The following CCDC91 variants were observed in gnomAD, a reference collection of about 807,000 sequenced individuals.
CCDC91 encodes the protein coiled-coil domain containing 91.
Under a neutral mutation model 63.2 loss-of-function variants are expected in CCDC91, and 48 were observed. That is an observed-to-expected ratio of 0.76 (90% CI 0.60 to 0.97). The LOEUF is 0.97. Among genes scored for constraint, CCDC91 ranks in the 50% least tolerant of loss-of-function variants. The pLI, the probability that CCDC91 is intolerant of heterozygous loss-of-function variation, is 0.00. For synonymous variants in CCDC91, 167 were observed against 165.8 expected, an observed-to-expected ratio of 1.01 and a Z score of -0.06; for missense variants, 500 against 494.6, an observed-to-expected ratio of 1.01 and a Z score of -0.10.
intron 7 of CCDC91, among the ~76,000 whole-genome samples, chr12:28,377,966 C>T (rs1190639945): frequency 6.6e-6 from 1 of 151,948 alleles, no homozygotes. Context: ...TTTTCTAAAG[C>T]TTTACTTAGA....
chr12:28,406,267 G>A (rs1403706938), intron 8 of CCDC91, among the ~76,000 whole-genome samples: 2 of 148,086 alleles, frequency 1.4e-5, no homozygotes, highest in African/African-American at 5.0e-5. Context: ...TTGCGAGCCT[G>A]TTCTTCCAAT....
chr12:28,447,634 T>C (rs1456132947), intron 8 of CCDC91, among the ~76,000 whole-genome samples: 3 of 146,590 alleles, frequency 2.0e-5, no homozygotes, highest in Non-Finnish European at 4.5e-5. Flanking sequence ...GAGGATCACA[T>C]GAAGCCAGGA....
At chr12:28,318,895 A>C (rs778363302) in intron 6 of CCDC91, among the ~76,000 whole-genome samples, 8 of 152,118 alleles carry the variant, frequency 5.3e-5, no homozygotes, top group African/African-American at 1.9e-4. Flanking sequence ...AGTAGTAGAC[A>C]TTTAAAGTAG....
chr12:28,443,455 TTTTA>T lies in CCDC91; in HGVS notation c.763-6699_763-6696del, dbSNP rs556469212. Among the ~76,000 whole-genome samples, 964 of 152,188 alleles carry T rather than the reference TTTTA, an allele frequency of 6.3e-3. 7 individuals are homozygous for T. The highest frequency in any genetic ancestry group is 0.054 in the Middle Eastern group (16 of 294). On this transcript the variant is annotated intron_variant, in intron 8 of 12. Transcript: ENST00000536442. ...ATATAGAGCAAAGTGGTTTGTAATT[TTTTA>T]TTTATTCATTCATTCATGCATGCAT...
intron 8 of CCDC91, among the ~76,000 whole-genome samples, chr12:28,393,843 G>T (rs750787120): frequency 6.6e-5 from 10 of 152,070 alleles, no homozygotes; most frequent in Admixed American, 4.6e-4. Flanking sequence ...TCTCAAAAGT[G>T]GCCTATTATG....
chr12:28,196,677 T>C, intron 1 of CCDC91, among the ~76,000 whole-genome samples: 1 of 152,182 alleles, frequency 6.6e-6, no homozygotes, highest in East Asian at 1.9e-4. Context: ...GTTATATTGC[T>C]TTTTTTGATT....
intron 8 of CCDC91, among the ~76,000 whole-genome samples, chr12:28,447,001 C>T (rs996134425): frequency 2.6e-5 from 4 of 152,018 alleles, no homozygotes; most frequent in African/African-American, 7.2e-5. Flanking sequence ...CTCCTTTGCC[C>T]GTTGTCCTGT....
intron 8 of CCDC91, among the ~76,000 whole-genome samples, chr12:28,426,099 A>C (rs1313656227): frequency 2.0e-5 from 3 of 152,138 alleles, no homozygotes; most frequent in Non-Finnish European, 2.9e-5. Flanking sequence ...ATGTGATATC[A>C]CTAGTCTCTT....
intron 11 of CCDC91, among the ~76,000 whole-genome samples, chr12:28,481,530 T>A (rs1951446247): frequency 6.6e-6 from 1 of 152,070 alleles, no homozygotes; most frequent in South Asian, 2.1e-4. Context: ...CTCCCAGGAA[T>A]GATATATTTA....
chr12:28,307,614 T>A (rs751091167), intron 5 of CCDC91, 31 bp from the exon 6 acceptor site: 1 of 1,156,582 alleles, frequency 8.6e-7, no homozygotes, highest in Admixed American at 2.4e-5. Context: ...CATTAAATAT[T>A]ACAAAGCTTG....
chr12:28,283,902 G>A (rs1029945416), intron 3 of CCDC91, among the ~76,000 whole-genome samples: 10 of 152,128 alleles, frequency 6.6e-5, no homozygotes, highest in African/African-American at 2.4e-4. Context: ...TTTTGGATTA[G>A]GGATGCACAA....
chr12:28,417,046 A>G (rs1439174890), intron 8 of CCDC91, among the ~76,000 whole-genome samples: 1 of 151,892 alleles, frequency 6.6e-6, no homozygotes, highest in Admixed American at 6.6e-5. Context: ...TCTTTCTAGC[A>G]TTTGCTGTGT....
intron 8 of CCDC91, among the ~76,000 whole-genome samples, chr12:28,406,328 C>G: frequency 6.6e-6 from 1 of 151,026 alleles, no homozygotes; most frequent in African/African-American, 2.4e-5. Context: ...TATTAGTGTA[C>G]AAGTCTTTGT....
At chr12:28,259,092 T>C (rs1946647700) in intron 2 of CCDC91, among the ~76,000 whole-genome samples, 1 of 151,964 alleles carries the variant, frequency 6.6e-6, no homozygotes, top group Non-Finnish European at 1.5e-5. Context: ...GAAAATGTGA[T>C]TAAGAATATA....
chr12:28,524,552 G>A (rs1226082656), intron 12 of CCDC91, among the ~76,000 whole-genome samples: 1 of 151,878 alleles, frequency 6.6e-6, no homozygotes, highest in Non-Finnish European at 1.5e-5. Flanking sequence ...GATATTGGTC[G>A]GTAGTTTTCT....
intron 3 of CCDC91, among the ~76,000 whole-genome samples, chr12:28,268,958 T>C (rs1947550215): frequency 6.6e-6 from 1 of 152,076 alleles, no homozygotes; most frequent in Non-Finnish European, 1.5e-5. Context: ...CTGGAAACAG[T>C]AAATGCTTTT....
At chr12:28,458,414 G>T (rs1249020418) in intron 11 of CCDC91, among the ~76,000 whole-genome samples, 1 of 126,602 alleles carries the variant, frequency 7.9e-6, no homozygotes, top group African/African-American at 3.0e-5. Flanking sequence ...CAGAGAATGA[G>T]AATTCATCCT....
At chr12:28,318,130 T>C (rs1457832682) in intron 6 of CCDC91, among the ~76,000 whole-genome samples, 1 of 151,846 alleles carries the variant, frequency 6.6e-6, no homozygotes, top group Admixed American at 6.6e-5. Flanking sequence ...ATGAGAAGAG[T>C]ATACAAATTT....
chr12:28,306,284 T>C (rs1347064116), intron 4 of CCDC91, among the ~76,000 whole-genome samples: 2 of 152,098 alleles, frequency 1.3e-5, no homozygotes, highest in African/African-American at 4.8e-5. Flanking sequence ...TCCCAATTTC[T>C]AAAGTGCTGT....
Sources: allele counts gnomAD v4.1 joint callset (sites outside exome capture counted in the v4.1 genomes callset), GRCh38; gene constraint gnomAD v4.1.1; transcripts MANE v1.5; gene names NCBI Gene and HGNC (gene_info 2026-07-23, HGNC 2026-07-21).